RDX: variants seen among roughly 807,000 people sequenced by gnomAD.
The protein encoded by RDX is radixin.
A neutral mutation model predicts 83.7 loss-of-function variants in RDX; 32 were observed. That is an observed-to-expected ratio of 0.38 (90% CI 0.29 to 0.51). RDX has a LOEUF of 0.51. RDX is among the 20% of genes least tolerant of loss of function. RDX has a pLI of 0.87. For missense variants in RDX, 600 were observed against 689.9 expected (o/e 0.87, Z 1.46); for synonymous variants, 229 against 222.7 (o/e 1.03, Z -0.25).
chr11:110,203,334 G>C (rs1373224387), intron 14 of RDX, among the ~76,000 whole-genome samples: 2 of 151,008 alleles, frequency 1.3e-5, no homozygotes, highest in African/African-American at 4.9e-5. Context: ...CATGGAGATA[G>C]AGAGTAAAAG....
intron 14 of RDX, among the ~76,000 whole-genome samples, chr11:110,208,541 G>A (rs1245562938): frequency 6.6e-6 from 1 of 152,136 alleles, no homozygotes; most frequent in Non-Finnish European, 1.5e-5. Context: ...CCTATTGGGT[G>A]GCTTAAAAAG....
At chr11:110,206,139 C>T (rs928173373) in intron 14 of RDX, among the ~76,000 whole-genome samples, 5 of 151,664 alleles carry the variant, frequency 3.3e-5, no homozygotes, top group Admixed American at 3.3e-4. Flanking sequence ...TCCCCGTAAT[C>T]CCAGCTGCTT....
In RDX at chr11:110,264,249, T is replaced by G; in HGVS notation, c.193-15A>C. The G allele has an allele frequency of 6.4e-7, 1 of 1,564,116 alleles. No homozygotes were observed. The highest frequency in any genetic ancestry group is 1.8e-5 in the Admixed American group (1 of 54,560). On this transcript the variant is annotated splice_polypyrimidine_tract_variant and intron_variant, in intron 4 of 13. Transcript: ENST00000645495. ...TGCTGTGTTACCTGGAAAAATAATT[T>G]CAAGTATAATCAACAAAAATCTTAA...
At position 110,179,897 on chromosome 11, in the gene RDX, TTTTTTC is replaced by T. The variant is rs1450386594; in HGVS notation, c.*32-4669_*32-4664del. Reference sequence around the variant, plus strand: ...TTTGTTCTTTTTCTTTTTCTTTTTCTTTTTTCTTTTTTTTTTTTTTTTGAGACAGAG... The same window carrying T: ...TTTGTTCTTTTTCTTTTTCTTTTTCTTTTTTTTTTTTTTTTTGAGACAGAG... On this transcript the variant is annotated intron_variant, in intron 15 of 15. Coordinates refer to the RDX transcript ENST00000528498. The T allele has an allele frequency of 1.5e-3, 569 of 386,900 alleles. 3 individuals are homozygous for T. The African/African-American group carries it at 0.017, about 12-fold the overall frequency. 24.0% of individuals were successfully genotyped at this position (386,900 alleles called of 1,614,324 possible).
At position 110,237,492 on chromosome 11, in the gene RDX, T is replaced by C. The variant is rs886043443; in HGVS notation, c.1251A>G (p.Leu417=). 1 of 1,612,258 alleles carries C rather than the reference T, an allele frequency of 6.2e-7. No homozygotes were observed. Residue 417 remains leucine, a splice_region_variant and synonymous_variant, in exon 11 of 14, where the codon CTA becomes CTG. Transcript: ENST00000645495. Reference sequence around the variant, plus strand: ...TTTCTCTAAGAAGACAGTTCCTTACTAGCTGCTCCTGATTCTTCATCTGGT... The same window carrying C: ...TTTCTCTAAGAAGACAGTTCCTTACCAGCTGCTCCTGATTCTTCATCTGGT... ...AADQMKNQEQ[L]AAELAEFTAK...
intron 13 of RDX, among the ~76,000 whole-genome samples, chr11:110,232,921 G>A (rs1031309545): frequency 1.3e-5 from 2 of 152,142 alleles, no homozygotes; most frequent in African/African-American, 4.8e-5. Flanking sequence ...GGCCCTCAAT[G>A]TACATATTAC....
chr11:110,261,353 A>G (rs1859796635), intron 5 of RDX, among the ~76,000 whole-genome samples: 1 of 152,220 alleles, frequency 6.6e-6, no homozygotes, highest in Non-Finnish European at 1.5e-5. Context: ...TTCAAAGGGA[A>G]GCAATACTAT....
intron 9 of RDX, among the ~76,000 whole-genome samples, chr11:110,248,273 T>G (rs1405391412): frequency 6.6e-6 from 1 of 152,180 alleles, no homozygotes; most frequent in Non-Finnish European, 1.5e-5. Flanking sequence ...ATGTGAAACC[T>G]AAGAACTGAA....
intron 3 of RDX, among the ~76,000 whole-genome samples, chr11:110,267,673 A>C (rs1166279549): frequency 6.6e-6 from 1 of 152,078 alleles, no homozygotes; most frequent in Non-Finnish European, 1.5e-5. Context: ...GAAAAAAAGA[A>C]AAAACACTGG....
In RDX at chr11:110,200,585, G is replaced by A. The variant is rs1051105338; in HGVS notation, c.1749-907C>T. On this transcript the variant is annotated intron_variant, in intron 14 of 15. Transcript: ENST00000528498. The stretch of plus-strand genomic sequence containing the variant: ...TATGAACCAAAAGGGCAGCTGTGGT[G>A]GGCTGTTTCCCATGGAAACCACGTC... Among the ~76,000 whole-genome samples, 11 of 152,234 alleles carry A rather than the reference G, an allele frequency of 7.2e-5. No homozygotes were observed. The South Asian group carries it at 2.3e-3, about 32-fold the overall frequency.
At chr11:110,213,073 A>G (rs1483033439) in intron 14 of RDX, among the ~76,000 whole-genome samples, 1 of 151,500 alleles carries the variant, frequency 6.6e-6, no homozygotes. Flanking sequence ...ACATGATTGT[A>G]TATCTAGAAA....
At chr11:110,271,645 C>T (rs1484028553) in intron 3 of RDX, among the ~76,000 whole-genome samples, 1 of 152,180 alleles carries the variant, frequency 6.6e-6, no homozygotes, top group East Asian at 1.9e-4. Context: ...TTTCCAAGCA[C>T]TGTCTCCTTT....
chr11:110,219,746 A>C (rs944556626), intron 14 of RDX, among the ~76,000 whole-genome samples: 8 of 152,194 alleles, frequency 5.3e-5, no homozygotes, highest in African/African-American at 1.9e-4. Context: ...AAGTTTAAGG[A>C]GGGAAGATCT....
chr11:110,262,404 G>A (rs1029087473), intron 5 of RDX, among the ~76,000 whole-genome samples: 4 of 152,068 alleles, frequency 2.6e-5, no homozygotes, highest in African/African-American at 9.7e-5. Flanking sequence ...GACCAACACG[G>A]TGAAACTCCA....
At chr11:110,282,004 A>G (rs1271983028) in intron 1 of RDX, among the ~76,000 whole-genome samples, 1 of 151,574 alleles carries the variant, frequency 6.6e-6, no homozygotes, top group Non-Finnish European at 1.5e-5. Context: ...GATGGAAGGA[A>G]TGCTTGAGCC....
Position 110,209,198 on chromosome 11 carries a change from T to A in RDX, c.1749-9520A>T, listed in dbSNP as rs376387282. On this transcript the variant is annotated intron_variant, in intron 14 of 15. Coordinates refer to the RDX transcript ENST00000528498. ...TGGGAAGCCCAAGAGGTCAGGGAGTTCCCTTTCTGAGTCAAAGAAAGGGGT... is the reference window on the plus strand; with the variant it reads ...TGGGAAGCCCAAGAGGTCAGGGAGTACCCTTTCTGAGTCAAAGAAAGGGGT... Among the ~76,000 whole-genome samples the A allele has an allele frequency of 2.9e-4, 44 of 152,148 alleles. No individual in the cohort carries two copies. The East Asian group carries it at 5.2e-3, about 18-fold the overall frequency.
intron 15 of RDX, among the ~76,000 whole-genome samples, chr11:110,189,243 TAAAAAAAAAA>T (rs35450797): frequency 1.4e-4 from 5 of 35,590 alleles, no homozygotes; most frequent in African/African-American, 2.4e-4. Flanking sequence ...GAACAACAGG[TAAAAAAAAAA>T]AAAAAAAAAA....
At chr11:110,277,921 C>G (rs1362874604) in intron 2 of RDX, among the ~76,000 whole-genome samples, 1 of 152,112 alleles carries the variant, frequency 6.6e-6, no homozygotes, top group East Asian at 1.9e-4. Flanking sequence ...AGATGTTTTA[C>G]AGTTTGAGCT....
At chr11:110,243,961 G>C (rs1865200513) in intron 10 of RDX, among the ~76,000 whole-genome samples, 1 of 152,056 alleles carries the variant, frequency 6.6e-6, no homozygotes, top group Non-Finnish European at 1.5e-5. Flanking sequence ...TCCTCAAAAA[G>C]TTAAATACAG....
Sources: gnomAD v4.1 joint callset for allele counts (sites outside exome capture counted in the v4.1 genomes callset) on GRCh38, gnomAD v4.1.1 for gene constraint, MANE v1.5 for transcripts, NCBI Gene and HGNC (gene_info 2026-07-23, HGNC 2026-07-21) for gene names.